Variants in PDE4D observed in about 807,000 individuals in gnomAD.
The protein encoded by PDE4D is phosphodiesterase 4D, also known as 3',5'-cyclic-AMP phosphodiesterase 4D.
In PDE4D, 24 loss-of-function variants were observed where a neutral mutation model predicts 87.4. The observed-to-expected ratio is 0.27, with a 90% CI of 0.20 to 0.39. The LOEUF is 0.39. Ranked by LOEUF, PDE4D falls within the 10% of genes least tolerant of loss-of-function variation. PDE4D has a pLI of 1.00. For synonymous variants in PDE4D, 384 were observed against 383.2 expected (o/e 1.00, Z -0.02); for missense variants, 714 against 1,041.0 (o/e 0.69, Z 4.32).
intron 5 of PDE4D, among the ~76,000 whole-genome samples, chr5:59,111,239 C>T (rs1561502657): frequency 6.6e-6 from 1 of 152,178 alleles, no homozygotes; most frequent in Non-Finnish European, 1.5e-5. Flanking sequence ...TACCCCAAAT[C>T]CCACCTTTTC....
At chr5:59,873,203 T>C (rs1471437206) in intron 1 of PDE4D, among the ~76,000 whole-genome samples, 1 of 152,184 alleles carries the variant, frequency 6.6e-6, no homozygotes, top group Non-Finnish European at 1.5e-5. Context: ...ATTCTGAAAA[T>C]TTAAGCAGAG....
chr5:59,402,067 G>A lies in PDE4D; in HGVS notation c.456-186099C>T, dbSNP rs140676012. Among the ~76,000 whole-genome samples the A allele has an allele frequency of 4.0e-4, 61 of 152,282 alleles. 1 individual carries two copies. The highest frequency in any genetic ancestry group is 1.4e-3 in the African/African-American group (60 of 41,566). ...GAATGGCCTGGGGCATGATAATTCT[G>A]AGAGACAAGATTCTCCAGGCTATGC... On this transcript the variant is annotated intron_variant, in intron 1 of 14. Transcript: ENST00000340635.
intron 3 of PDE4D, among the ~76,000 whole-genome samples, chr5:59,965,610 C>T: frequency 6.6e-6 from 1 of 152,116 alleles, no homozygotes; most frequent in East Asian, 1.9e-4. Context: ...AACCAATGCA[C>T]GAGCATTATA....
intron 1 of PDE4D, among the ~76,000 whole-genome samples, chr5:60,385,262 C>A (rs1285074858): frequency 6.6e-6 from 1 of 152,182 alleles, no homozygotes; most frequent in East Asian, 1.9e-4. Context: ...AGGAACAATA[C>A]TGGTGTGTAA....
At chr5:59,580,590 C>T (rs1014457422) in intron 1 of PDE4D, among the ~76,000 whole-genome samples, 1 of 152,112 alleles carries the variant, frequency 6.6e-6, no homozygotes, top group African/African-American at 2.4e-5. Context: ...CCTTAGCCTC[C>T]CTGAGTAACT....
intron 1 of PDE4D, among the ~76,000 whole-genome samples, chr5:59,508,570 AT>A (rs1473113276): frequency 1.3e-5 from 2 of 152,166 alleles, no homozygotes; most frequent in East Asian, 3.8e-4. Context: ...CATAAAAAAA[AT>A]AAACTTGCCT....
chr5:60,229,847 T>C (rs771819814), intron 1 of PDE4D, among the ~76,000 whole-genome samples: 2 of 152,136 alleles, frequency 1.3e-5, no homozygotes, highest in Non-Finnish European at 1.5e-5. Context: ...GCTGCAAGCA[T>C]AGCAGTTATT....
chr5:59,343,578 A>G (rs1332159109), intron 1 of PDE4D, among the ~76,000 whole-genome samples: 2 of 152,214 alleles, frequency 1.3e-5, no homozygotes, highest in East Asian at 3.8e-4. Context: ...TATACTCAAT[A>G]TACATTTGTT....
intron 1 of PDE4D, among the ~76,000 whole-genome samples, chr5:60,245,564 T>C (rs1173392173): frequency 6.6e-6 from 1 of 151,938 alleles, no homozygotes; most frequent in Non-Finnish European, 1.5e-5. Context: ...GAAAACGGGT[T>C]ACATATACAA....
intron 2 of PDE4D, among the ~76,000 whole-genome samples, chr5:60,184,386 G>A (rs538722085): frequency 6.6e-6 from 1 of 152,070 alleles, no homozygotes; most frequent in South Asian, 2.1e-4. Context: ...TTGTATGCAG[G>A]TCACCTCCTA....
chr5:58,986,686 G>A (rs1050194852), intron 11 of PDE4D, among the ~76,000 whole-genome samples: 19 of 152,040 alleles, frequency 1.2e-4, no homozygotes, highest in Admixed American at 7.9e-4. Flanking sequence ...CTCTCCCTGC[G>A]CCCCCAGTTT....
chr5:59,924,337 C>T (rs192847552), intron 3 of PDE4D, among the ~76,000 whole-genome samples: 19 of 152,162 alleles, frequency 1.2e-4, no homozygotes, highest in African/African-American at 9.6e-5. Flanking sequence ...TAACAGAGAA[C>T]TTCCCAAAGC....
At chr5:60,185,146 A>C (rs1294829721) in intron 2 of PDE4D, among the ~76,000 whole-genome samples, 8 of 152,158 alleles carry the variant, frequency 5.3e-5, no homozygotes, top group African/African-American at 1.7e-4. Flanking sequence ...GAAGGGAAGA[A>C]CTTTCAGAAT....
chr5:59,516,279 C>T (rs1257471316), intron 1 of PDE4D, among the ~76,000 whole-genome samples: 1 of 152,154 alleles, frequency 6.6e-6, no homozygotes, highest in African/African-American at 2.4e-5. Context: ...GCCTATCCCT[C>T]CTCCCCAGGC....
At chr5:60,086,168 GA>G in intron 2 of PDE4D, among the ~76,000 whole-genome samples, 1 of 152,172 alleles carries the variant, frequency 6.6e-6, no homozygotes, top group African/African-American at 2.4e-5. Flanking sequence ...TTTATGTTAA[GA>G]AAGTCTTAAA....
intron 1 of PDE4D, among the ~76,000 whole-genome samples, chr5:60,453,354 T>C (rs543819674): frequency 2.6e-5 from 4 of 152,244 alleles, no homozygotes; most frequent in African/African-American, 9.6e-5. Context: ...ATAAGTTATT[T>C]ACTTACTCAT....
At chr5:60,516,381 AG>A (rs1203670710) in intron 1 of PDE4D, among the ~76,000 whole-genome samples, 1 of 152,228 alleles carries the variant, frequency 6.6e-6, no homozygotes, top group African/African-American at 2.4e-5. Context: ...TGAATGATAA[AG>A]GACAGCTGTC....
intron 1 of PDE4D, among the ~76,000 whole-genome samples, chr5:59,332,857 G>A (rs1467639558): frequency 6.6e-6 from 1 of 152,130 alleles, no homozygotes; most frequent in East Asian, 1.9e-4. Context: ...CACTATCTGT[G>A]ACACAGACAT....
intron 1 of PDE4D, among the ~76,000 whole-genome samples, chr5:60,426,896 C>T (rs1743772124): frequency 6.6e-6 from 1 of 151,546 alleles, no homozygotes; most frequent in Non-Finnish European, 1.5e-5. Context: ...AATGAAAATT[C>T]TAGAACTAAA....
Sources: allele counts gnomAD v4.1 joint callset (sites outside exome capture counted in the v4.1 genomes callset), GRCh38; gene constraint gnomAD v4.1.1; transcripts MANE v1.5; gene names NCBI Gene and HGNC (gene_info 2026-07-23, HGNC 2026-07-21).